Variants in CMTM8 observed in about 807,000 individuals in gnomAD.
The protein encoded by CMTM8 is CKLF-like MARVEL transmembrane domain-containing protein 8.
In CMTM8, 12 loss-of-function variants were observed where a neutral mutation model predicts 18.6. The observed-to-expected ratio is 0.65, with a 90% confidence interval of 0.41 to 1.05. The LOEUF (loss-of-function observed/expected upper bound fraction) is 1.05, where lower values mean the gene tolerates loss of function less well. Among genes scored for constraint, CMTM8 ranks in the 50% least tolerant of loss-of-function variants. The pLI is 0.00. For synonymous variants in CMTM8, 87 were observed against 90.6 expected (o/e 0.96, Z 0.23); for missense variants, 217 against 227.2 (o/e 0.95, Z 0.29).
In CMTM8 at chr3:32,307,077, G is replaced by A. The variant is rs1236857808; in HGVS notation, c.148-50296G>A. On this transcript the variant is annotated intron_variant, in intron 1 of 3. Coordinates refer to ENST00000307526, the MANE Select transcript of CMTM8 (RefSeq NM_178868.5). ...CAAAAATTAGCTGGGCATGGTTGTG[G>A]ATGCCTGTAATCCCAGCACTTTGGG... 2.0e-5 allele frequency among the ~76,000 whole-genome samples: 3 copies of A among 151,132 alleles called. No individual in the cohort carries two copies. The East Asian group carries it at 5.9e-4, about 30-fold the overall frequency.
chr3:32,317,566 T>C (rs1317821063), intron 1 of CMTM8, among the ~76,000 whole-genome samples: 1 of 152,224 alleles, frequency 6.6e-6, no homozygotes, highest in Non-Finnish European at 1.5e-5. Flanking sequence ...TGAATGCAGG[T>C]ACCCTTTGAC....
intron 1 of CMTM8, among the ~76,000 whole-genome samples, chr3:32,287,637 T>C (rs999219046): frequency 1.3e-5 from 2 of 152,212 alleles, no homozygotes; most frequent in African/African-American, 4.8e-5. Context: ...AATAAGGCTT[T>C]ATTAGAATAC....
intron 1 of CMTM8, among the ~76,000 whole-genome samples, chr3:32,328,428 A>G (rs1696206669): frequency 7.8e-6 from 1 of 127,588 alleles, no homozygotes; most frequent in South Asian, 2.8e-4. Flanking sequence ...CAGAGGTAGG[A>G]GAATCACTTG....
chr3:32,279,347 G>A (rs9853691), intron 1 of CMTM8, among the ~76,000 whole-genome samples: 6 of 82,404 alleles, frequency 7.3e-5, no homozygotes, highest in African/African-American at 2.1e-4. Context: ...CCCCACCACC[G>A]TCCCCAGAGT....
intron 1 of CMTM8, among the ~76,000 whole-genome samples, chr3:32,316,355 A>T (rs533376611): frequency 6.6e-6 from 1 of 152,108 alleles, no homozygotes; most frequent in Admixed American, 6.5e-5. Flanking sequence ...TCTCAAGTCC[A>T]TTCACTAGTT....
chr3:32,282,019 A>G (rs907902525), intron 1 of CMTM8, among the ~76,000 whole-genome samples: 1 of 152,066 alleles, frequency 6.6e-6, no homozygotes, highest in African/African-American at 2.4e-5. Flanking sequence ...CCTCAGAATC[A>G]TGGCTTTCAA....
At chr3:32,241,036 C>A (rs985555553) in intron 1 of CMTM8, among the ~76,000 whole-genome samples, 4 of 152,196 alleles carry the variant, frequency 2.6e-5, no homozygotes, top group Non-Finnish European at 5.9e-5. Flanking sequence ...AATCCTCCTG[C>A]CTTGGCCTCC....
Position 32,266,710 on chromosome 3 carries a change from A to G in CMTM8, c.147+27591A>G, listed in dbSNP as rs865952999. ...GATTGTATATCTAGAAAACCCCATCATCTCAGCCCAAAATCTCCTTAAGCT... is the reference window on the plus strand; with the variant it reads ...GATTGTATATCTAGAAAACCCCATCGTCTCAGCCCAAAATCTCCTTAAGCT... On this transcript the variant is annotated intron_variant, in intron 1 of 3. Transcript: ENST00000307526. Among the ~76,000 whole-genome samples the G allele has an allele frequency of 7.1e-3, 1,074 of 152,260 alleles. 8 individuals carry two copies. The highest frequency in any genetic ancestry group is 0.011 in the Non-Finnish European group (740 of 68,008).
chr3:32,263,585 A>G (rs1221696377), intron 1 of CMTM8, among the ~76,000 whole-genome samples: 1 of 152,212 alleles, frequency 6.6e-6, no homozygotes, highest in Non-Finnish European at 1.5e-5. Context: ...CAGCAACAGA[A>G]CAAAGCTGGG....
intron 1 of CMTM8, among the ~76,000 whole-genome samples, chr3:32,330,955 A>G (rs1383082067): frequency 6.6e-6 from 1 of 152,238 alleles, no homozygotes; most frequent in Admixed American, 6.5e-5. Context: ...CAACAAAAGC[A>G]CAGATGACAA....
chr3:32,348,529 C>CTTTTTTTTTTTTTTTTCT (rs56252781), intron 1 of CMTM8, among the ~76,000 whole-genome samples: 1 of 102,036 alleles, frequency 9.8e-6, no homozygotes, highest in East Asian at 3.9e-4. Context: ...CTTCCTGGAA[C>CTTTTTTTTTTTTTTTTCT]TTTTTTTTTT....
chr3:32,318,606 A>G (rs1332189467), intron 1 of CMTM8, among the ~76,000 whole-genome samples: 2 of 138,396 alleles, frequency 1.4e-5, no homozygotes, highest in East Asian at 4.1e-4. Context: ...TCACTCTGTC[A>G]CCCAGCCTGG....
intron 1 of CMTM8, among the ~76,000 whole-genome samples, chr3:32,268,384 A>C (rs1702381989): frequency 6.6e-6 from 1 of 152,238 alleles, no homozygotes; most frequent in African/African-American, 2.4e-5. Flanking sequence ...CATAAGTGGG[A>C]ATTGAACAGT....
At chr3:32,275,846 C>T (rs1049135325) in intron 1 of CMTM8, among the ~76,000 whole-genome samples, 5 of 151,824 alleles carry the variant, frequency 3.3e-5, no homozygotes, top group Non-Finnish European at 5.9e-5. Context: ...GATGGGGTTT[C>T]GCTATGTTGG....
intron 2 of CMTM8, among the ~76,000 whole-genome samples, chr3:32,363,952 G>T (rs926474161): frequency 2.0e-5 from 3 of 152,164 alleles, no homozygotes; most frequent in Non-Finnish European, 2.9e-5. Flanking sequence ...CTTTTCCTCA[G>T]CCTTTGCCCA....
chr3:32,259,893 GC>G (rs1443746640), intron 1 of CMTM8: 7 of 962,928 alleles, frequency 7.3e-6, no homozygotes, highest in East Asian at 4.9e-5. Context: ...GTGAAGGCCA[GC>G]CTGGAGAACA....
chr3:32,314,919 T>A lies in CMTM8; in HGVS notation c.148-42454T>A, dbSNP rs1189348874. Among the ~76,000 whole-genome samples, 3 of 3,272 alleles carry A rather than the reference T, an allele frequency of 9.2e-4. No individual in the cohort carries two copies. The Non-Finnish European group carries it at 9.8e-3, about 11-fold the overall frequency. The allele number at this position is 3,272 out of a possible 152,430, so 2.1% of individuals were successfully genotyped here. A position where few individuals can be genotyped will look rare whatever the true frequency, so the allele number is the denominator to read the frequency against. On this transcript the variant is annotated intron_variant, in intron 1 of 3. Transcript: ENST00000307526. ...ATTGATAGCCTTGTACACAGATCTTTATTTTTTTTTTGCGTTCTAGTGAAC... is the reference window on the plus strand; with the variant it reads ...ATTGATAGCCTTGTACACAGATCTTAATTTTTTTTTTGCGTTCTAGTGAAC...
rs28379932 is a variant in CMTM8, at chr3:32,238,898, G to A, written c.-75G>A. 4.4e-4 allele frequency: 600 copies of A among 1,374,478 alleles called. 6 individuals carry two copies. In the African/African-American group the frequency reaches 8.6e-3, roughly 20 times the overall value. 85.1% of individuals were successfully genotyped at this position (1,374,478 alleles called of 1,614,324 possible). A position where few individuals can be genotyped will look rare whatever the true frequency, so the allele number is the denominator to read the frequency against. On this transcript the variant is annotated 5_prime_UTR_variant, in exon 1 of 4. Transcript: ENST00000307526. ...CCCCTCCCCCGCGCCTGTGTCCCCA[G>A]GGCGCAGGGCCGCGCGTCCAGCCCC...
chr3:32,273,439 A>AT (rs1361658197), intron 1 of CMTM8, among the ~76,000 whole-genome samples: 3 of 152,218 alleles, frequency 2.0e-5, no homozygotes, highest in African/African-American at 7.2e-5. Flanking sequence ...AAACAAGTCA[A>AT]TTGCCCACTA....
Sources: allele counts gnomAD v4.1 joint callset (sites outside exome capture counted in the v4.1 genomes callset), GRCh38; gene constraint gnomAD v4.1.1; transcripts MANE v1.5; gene names NCBI Gene and HGNC (gene_info 2026-07-23, HGNC 2026-07-21).